TAF1: variants seen among roughly 807,000 people sequenced by gnomAD.
The protein encoded by TAF1 is TATA-box binding protein associated factor 1, also known as transcription initiation factor TFIID subunit 1.
A neutral mutation model predicts 138.5 loss-of-function variants in TAF1; 2 were observed. The observed-to-expected ratio is 0.01, with a 90% CI of 0.01 to 0.05. TAF1 has a LOEUF of 0.05. TAF1 is among the 10% of genes least tolerant of loss of function. TAF1 has a pLI of 1.00. For synonymous variants in TAF1, 437 were observed against 503.2 expected, an observed-to-expected ratio of 0.87 and a Z score of 1.76; for missense variants, 709 against 1,478.0, an observed-to-expected ratio of 0.48 and a Z score of 8.53.
intron 28 of TAF1, among the ~76,000 whole-genome samples, chrX:71,413,364 T>A (rs990878183): frequency 8.9e-6 from 1 of 111,995 alleles, no homozygotes; most frequent in Admixed American, 9.5e-5. Flanking sequence ...TTGTCTATCT[T>A]TTTCCTTCTA....
At chrX:71,397,573 C>G in intron 23 of TAF1, 107 bp downstream of exon 23, 1 of 933,029 alleles carries the variant, frequency 1.1e-6, no homozygotes, top group Non-Finnish European at 1.5e-6. Flanking sequence ...ACCTCCATCT[C>G]TCAGGTTCAA....
intron 25 of TAF1, among the ~76,000 whole-genome samples, chrX:71,403,260 C>G (rs1411305244): frequency 1.8e-5 from 2 of 111,311 alleles, no homozygotes; most frequent in African/African-American, 3.3e-5. Flanking sequence ...ATCTCCTGGG[C>G]TCAAGCAGTC....
At chrX:71,439,409 CCTT>C (rs1332081549) in intron 32 of TAF1, among the ~76,000 whole-genome samples, 1 of 111,643 alleles carries the variant, frequency 9.0e-6, no homozygotes, top group Non-Finnish European at 1.9e-5. Context: ...ACATTTATCT[CCTT>C]CTAACCTATC....
chrX:71,466,129 G>T (rs1228682431), downstream of TAF1: 1 of 111,956 alleles, frequency 8.9e-6, no homozygotes, highest in Non-Finnish European at 1.9e-5. Flanking sequence ...TAGGGAGTAG[G>T]ACTTGGCATT....
intron 13 of TAF1, among the ~76,000 whole-genome samples, chrX:71,479,704 A>C (rs1021580525): frequency 8.9e-6 from 1 of 112,151 alleles, no homozygotes; most frequent in African/African-American, 3.2e-5. Context: ...CTGGTTTGTA[A>C]GCTGATTGGT....
rs180934096 is a variant in TAF1 at position 71,389,552 on chromosome X, G to C, written c.2701-33G>C. 18 of 1,145,351 alleles carry C rather than the reference G, an allele frequency of 1.6e-5. No homozygotes were observed. The African/African-American group carries it at 2.9e-4, about 19-fold the overall frequency. The allele number at this position is 1,145,351 out of a possible 1,213,427, so 94.4% of individuals were successfully genotyped here. On this transcript the variant is annotated intron_variant, in intron 17 of 37. Coordinates refer to ENST00000423759, the MANE Select transcript of TAF1 (RefSeq NM_004606.5). The stretch of plus-strand genomic sequence containing the variant: ...AACTTGTGCTTTGTGTTTTTTAACT[G>C]ACTGATTTATGCATGGATCTGTCCT...
At chrX:71,386,809 T>A (rs2034260151) in intron 14 of TAF1, among the ~76,000 whole-genome samples, 1 of 113,133 alleles carries the variant, frequency 8.8e-6, no homozygotes, top group Non-Finnish European at 1.9e-5. Context: ...CAACAAATGT[T>A]GCTCTCACAC....
chrX:71,395,462 G>A (rs1267776249), intron 22 of TAF1, among the ~76,000 whole-genome samples: 4 of 111,055 alleles, frequency 3.6e-5, no homozygotes, highest in South Asian at 3.8e-4. Context: ...CTGAGATTGC[G>A]CCACTGCATT....
chrX:71,405,982 AC>A (rs1288548382), intron 25 of TAF1, among the ~76,000 whole-genome samples: 1 of 111,661 alleles, frequency 9.0e-6, no homozygotes, highest in Non-Finnish European at 1.9e-5. Context: ...CTGTTTTCAA[AC>A]CAGTTTTTAA....
intron 36 of TAF1, among the ~76,000 whole-genome samples, chrX:71,460,335 T>G (rs767699217): frequency 8.9e-6 from 1 of 112,619 alleles, no homozygotes; most frequent in African/African-American, 3.2e-5. Context: ...TGGGGATATT[T>G]TGTGGATTAA....
At position 71,400,121 on chromosome X, in the gene TAF1, G is replaced by C. The variant is rs963757931; in HGVS notation, c.3786+1384G>C. Among the ~76,000 whole-genome samples the C allele has an allele frequency of 2.0e-4, 21 of 104,392 alleles. No homozygotes were observed. The Admixed American group carries it at 2.2e-3, about 11-fold the overall frequency. 90.7% of individuals were successfully genotyped at this position (104,392 alleles called of 115,157 possible). A position where few individuals can be genotyped will look rare whatever the true frequency, so the allele number is the denominator to read the frequency against. On this transcript the variant is annotated intron_variant, in intron 24 of 37. Transcript: ENST00000423759. ...TTGGTTTTTTTAGAGACAGAGTCTTGCTTAATCGCTCAGGCTGGAGTGCAA... is the reference window on the plus strand; with the variant it reads ...TTGGTTTTTTTAGAGACAGAGTCTTCCTTAATCGCTCAGGCTGGAGTGCAA...
At chrX:71,385,542 A>AG (rs2034161276) in intron 14 of TAF1, among the ~76,000 whole-genome samples, 1 of 110,548 alleles carries the variant, frequency 9.0e-6, no homozygotes, top group Admixed American at 9.7e-5. Context: ...TATATATTCA[A>AG]GGGGGGAAGT....
At chrX:71,515,950 T>C (rs1338111932) in intron 13 of TAF1, among the ~76,000 whole-genome samples, 2 of 111,530 alleles carry the variant, frequency 1.8e-5, no homozygotes, top group Non-Finnish European at 3.8e-5. Flanking sequence ...TACTGTATAA[T>C]TCCACCTATA....
intron 13 of TAF1, among the ~76,000 whole-genome samples, chrX:71,481,559 T>G (rs1031936289): frequency 1.7e-4 from 19 of 110,933 alleles, no homozygotes; most frequent in African/African-American, 6.2e-4. Context: ...TGTTTTTTGT[T>G]TTCGTTTTTG....
At chrX:71,459,170 G>A (rs769481539) in intron 35 of TAF1, 1 of 1,078,453 alleles carries the variant, frequency 9.3e-7, no homozygotes, top group Admixed American at 2.4e-5. Flanking sequence ...GCCGAGGTAG[G>A]CTGGGCGAGG....
rs943646304 is a variant in TAF1, at chrX:71,372,718, G to A, written c.353-2449G>A. On this transcript the variant is annotated intron_variant, in intron 3 of 37. Transcript: ENST00000423759. Reference sequence around the variant, plus strand: ...TAGGCTTTGTTGTTAAACCAGGCTTGCATTCTGATTTTGTCACTTAAAATT... The same window carrying A: ...TAGGCTTTGTTGTTAAACCAGGCTTACATTCTGATTTTGTCACTTAAAATT... 3.6e-5 allele frequency among the ~76,000 whole-genome samples: 4 copies of A among 110,173 alleles called. No individual in the cohort carries two copies. In the Admixed American group the frequency reaches 3.9e-4, roughly 11 times the overall value.
At chrX:71,424,468 C>T (rs771901344) in intron 32 of TAF1, among the ~76,000 whole-genome samples, 1 of 93,344 alleles carries the variant, frequency 1.1e-5, no homozygotes, top group South Asian at 5.4e-4. Flanking sequence ...ACTATTTTGC[C>T]CAGGCTGAGC....
At chrX:71,378,796 ATG>A (rs1193539337) in intron 7 of TAF1, 26 bp from the exon 8 acceptor site, 7 of 1,188,407 alleles carry the variant, frequency 5.9e-6, no homozygotes, top group Non-Finnish European at 8.0e-6. Flanking sequence ...CCAATCAAGG[ATG>A]TGTTTTTTCT....
intron 32 of TAF1, among the ~76,000 whole-genome samples, chrX:71,451,588 A>G (rs1341073606): frequency 9.1e-6 from 1 of 109,541 alleles, no homozygotes; most frequent in Non-Finnish European, 1.9e-5. Context: ...GAAGTGAACA[A>G]AGGTCTCTGG....
Sources: allele counts gnomAD v4.1 joint callset (sites outside exome capture counted in the v4.1 genomes callset), GRCh38; gene constraint gnomAD v4.1.1; transcripts MANE v1.5; gene names NCBI Gene and HGNC (gene_info 2026-07-23, HGNC 2026-07-21).